Variants in LYN observed in about 807,000 individuals in gnomAD.
The protein encoded by LYN is tyrosine-protein kinase Lyn.
A neutral mutation model predicts 65.0 loss-of-function variants in LYN; 12 were observed. That is an observed-to-expected ratio of 0.18 (90% CI 0.12 to 0.30). The LOEUF (loss-of-function observed/expected upper bound fraction) is 0.30, where lower values mean the gene tolerates loss of function less well. Ranked by LOEUF, LYN falls within the 10% of genes least tolerant of loss-of-function variation. The pLI is 1.00. For missense variants in LYN, 380 were observed against 623.2 expected (o/e 0.61, Z 4.16); for synonymous variants, 222 against 221.2 (o/e 1.00, Z -0.03).
At chr8:55,897,135 A>G (rs951618929) in intron 1 of LYN, among the ~76,000 whole-genome samples, 7 of 152,220 alleles carry the variant, frequency 4.6e-5, no homozygotes, top group Admixed American at 3.3e-4. Flanking sequence ...TGCAGTTTCA[A>G]CATCCACAGG....
At chr8:55,933,758 T>C (rs1337546839) in intron 1 of LYN, among the ~76,000 whole-genome samples, 5 of 152,240 alleles carry the variant, frequency 3.3e-5, no homozygotes, top group Non-Finnish European at 5.9e-5. Flanking sequence ...GTTTCTCTGT[T>C]CTAGATGCCA....
chr8:55,949,078 C>T (rs759548882), intron 4 of LYN, among the ~76,000 whole-genome samples: 1 of 152,182 alleles, frequency 6.6e-6, no homozygotes, highest in Non-Finnish European at 1.5e-5. Flanking sequence ...TGGCTCCATG[C>T]CTGCCTTTCT....
chr8:55,902,854 C>CTTT, intron 1 of LYN: 11 of 370,362 alleles, frequency 3.0e-5, no homozygotes, highest in South Asian at 6.1e-5. Flanking sequence ...TAGCATGAGG[C>CTTT]TTTTTTTTTT....
chr8:55,934,475 C>T (rs16922431), intron 1 of LYN, among the ~76,000 whole-genome samples: 2,097 of 152,276 alleles, frequency 0.014, 35 homozygotes, highest in African/African-American at 0.039. Flanking sequence ...TGCCGTTCAC[C>T]GGCCCGCTAA....
chr8:55,987,173 G>A (rs1253303612), intron 10 of LYN, among the ~76,000 whole-genome samples: 1 of 152,016 alleles, frequency 6.6e-6, no homozygotes, highest in African/African-American at 2.4e-5. Context: ...AGCACTTTGG[G>A]AGGCTAAGGC....
chr8:55,969,994 T>C (rs1249646643), intron 10 of LYN, among the ~76,000 whole-genome samples: 1 of 152,224 alleles, frequency 6.6e-6, no homozygotes, highest in Non-Finnish European at 1.5e-5. Context: ...ACGTGTTGAG[T>C]TTTGACCTGG....
chr8:55,935,039 C>T (rs1432429745), intron 1 of LYN, among the ~76,000 whole-genome samples: 1 of 152,082 alleles, frequency 6.6e-6, no homozygotes, highest in African/African-American at 2.4e-5. Flanking sequence ...AGCAGCTCCA[C>T]GGGCCATGGT....
intron 12 of LYN, among the ~76,000 whole-genome samples, chr8:56,006,967 C>T (rs933037260): frequency 6.6e-6 from 1 of 152,126 alleles, no homozygotes; most frequent in Admixed American, 6.5e-5. Context: ...TCTTCCAATT[C>T]TTCTTATCAA....
chr8:55,923,179 T>C (rs767236042), intron 1 of LYN, among the ~76,000 whole-genome samples: 8 of 152,180 alleles, frequency 5.3e-5, no homozygotes, highest in African/African-American at 1.4e-4. Context: ...TGTCATACTA[T>C]TTAAGTAATT....
chr8:55,966,636 G>A, intron 8 of LYN, 79 bp from the exon 9 acceptor site: 1 of 1,303,006 alleles, frequency 7.7e-7, no homozygotes, highest in African/African-American at 1.5e-5. Flanking sequence ...CCAAAGTGCT[G>A]GGATTATAGG....
At chr8:55,942,270 T>C (rs1196813096) in intron 2 of LYN, among the ~76,000 whole-genome samples, 1 of 150,406 alleles carries the variant, frequency 6.6e-6, no homozygotes. Flanking sequence ...CCCCACTATA[T>C]ATATATACAC....
intron 12 of LYN, among the ~76,000 whole-genome samples, chr8:56,002,909 T>A (rs1808559352): frequency 6.6e-6 from 1 of 152,190 alleles, no homozygotes; most frequent in Non-Finnish European, 1.5e-5. Flanking sequence ...ATGAGAAGAC[T>A]TGATTCATAG....
intron 10 of LYN, among the ~76,000 whole-genome samples, chr8:55,989,256 G>C (rs1808173751): frequency 6.6e-6 from 1 of 152,202 alleles, no homozygotes; most frequent in African/African-American, 2.4e-5. Context: ...GACCTGGATG[G>C]TCATCACTAG....
chr8:55,995,594 A>C (rs1297646824), intron 10 of LYN, among the ~76,000 whole-genome samples: 1 of 152,204 alleles, frequency 6.6e-6, no homozygotes, highest in African/African-American at 2.4e-5. Flanking sequence ...CTGGGGATGC[A>C]TGCACACCTG....
At chr8:56,000,727 CAAAAAAAA>C (rs1043054300) in intron 12 of LYN, among the ~76,000 whole-genome samples, 13 of 46,832 alleles carry the variant, frequency 2.8e-4, no homozygotes, top group Non-Finnish European at 5.0e-4. Flanking sequence ...GACTCTGTCT[CAAAAAAAA>C]AAAAAAAAAA....
At chr8:55,896,736 G>A (rs180752542) in intron 1 of LYN, among the ~76,000 whole-genome samples, 11 of 152,026 alleles carry the variant, frequency 7.2e-5, no homozygotes, top group East Asian at 5.8e-4. Context: ...AGCTCCTCAC[G>A]TTTATTTATT....
intron 1 of LYN, among the ~76,000 whole-genome samples, chr8:55,919,022 CAAAAAAA>C (rs35663372): frequency 1.8e-4 from 11 of 62,756 alleles, no homozygotes; most frequent in African/African-American, 4.8e-4. Context: ...CCTGTCTCTA[CAAAAAAA>C]AAAAAAAAAA....
At chr8:55,906,603 T>TGAG (rs10696257) in intron 1 of LYN, among the ~76,000 whole-genome samples, 26,201 of 151,826 alleles carry the variant, frequency 0.17, 2,435 homozygotes, top group Middle Eastern at 0.29. Context: ...GTAATCCACC[T>TGAG]GTCTCAGCCT....
At chr8:55,963,392 G>A (rs1262656726) in intron 8 of LYN, among the ~76,000 whole-genome samples, 3 of 152,174 alleles carry the variant, frequency 2.0e-5, no homozygotes, top group African/African-American at 7.2e-5. Flanking sequence ...GAGAGATGTG[G>A]GCCCCAAGGC....
Sources: gnomAD v4.1 joint callset for allele counts (sites outside exome capture counted in the v4.1 genomes callset) on GRCh38, gnomAD v4.1.1 for gene constraint, MANE v1.5 for transcripts, NCBI Gene and HGNC (gene_info 2026-07-23, HGNC 2026-07-21) for gene names.